Variants in CSMD3 observed in about 807,000 individuals in gnomAD.
The protein encoded by CSMD3 is CUB and sushi domain-containing protein 3.
In CSMD3, 177 loss-of-function variants were observed where a neutral mutation model predicts 435.2. That is an observed-to-expected ratio of 0.41 (90% CI 0.36 to 0.46). The LOEUF is 0.46. CSMD3 is among the 20% of genes least tolerant of loss of function. CSMD3 has a pLI of 0.34. For synonymous variants in CSMD3, 1,656 were observed against 1,520.5 expected (o/e 1.09, Z -2.07); for missense variants, 4,265 against 4,504.6 (o/e 0.95, Z 1.52).
chr8:113,149,911 C>T (rs556095375), intron 4 of CSMD3, among the ~76,000 whole-genome samples: 1 of 151,918 alleles, frequency 6.6e-6, no homozygotes, highest in East Asian at 1.9e-4. Context: ...TAAAACACTG[C>T]TACTTTCCTA....
At position 112,373,020 on chromosome 8, in the gene CSMD3, A is replaced by AT. The variant is rs1445750683; in HGVS notation, c.6136+7331dup. Among the ~76,000 whole-genome samples, 9 of 108,390 alleles carry AT rather than the reference A, an allele frequency of 8.3e-5. No individual in the cohort carries two copies. In the East Asian group the frequency reaches 1.1e-3, roughly 13 times the overall value. The allele number at this position is 108,390 out of a possible 152,430, so 71.1% of individuals were successfully genotyped here. On this transcript the variant is annotated intron_variant, in intron 38 of 70. Transcript: ENST00000297405. The stretch of plus-strand genomic sequence containing the variant: ...TATATATAAAAATATATATATATAT[A>AT]TATTTTTTTTCTCATGAGTAGAAAA...
chr8:113,402,306 T>A (rs11993804), intron 1 of CSMD3, among the ~76,000 whole-genome samples: 2,770 of 151,540 alleles, frequency 0.018, 99 homozygotes, highest in African/African-American at 0.061. Context: ...TAATTTGAGT[T>A]TGACTGTCTT....
chr8:113,299,045 T>C (rs940181902), intron 2 of CSMD3, among the ~76,000 whole-genome samples: 2 of 152,194 alleles, frequency 1.3e-5, no homozygotes, highest in African/African-American at 2.4e-5. Context: ...AGAACTCACA[T>C]GTCCCTCTGG....
chr8:112,868,099 T>G (rs2081035374), intron 10 of CSMD3, among the ~76,000 whole-genome samples: 1 of 152,114 alleles, frequency 6.6e-6, no homozygotes, highest in African/African-American at 2.4e-5. Context: ...TATTTAAAAC[T>G]AAGACACAAA....
chr8:112,387,465 A>ATGTGTG (rs34034900), intron 36 of CSMD3, among the ~76,000 whole-genome samples: 13,836 of 144,076 alleles, frequency 0.096, 692 homozygotes, highest in Middle Eastern at 0.16. Context: ...GTCATATATT[A>ATGTGTG]TGTGTGTGTG....
intron 18 of CSMD3, among the ~76,000 whole-genome samples, chr8:112,654,973 G>A (rs2075220891): frequency 6.6e-6 from 1 of 152,140 alleles, no homozygotes; most frequent in Non-Finnish European, 1.5e-5. Context: ...AGGCACTTTA[G>A]TTCATTTGAA....
At chr8:112,275,873 C>A (rs565583892) in intron 59 of CSMD3, among the ~76,000 whole-genome samples, 1 of 152,210 alleles carries the variant, frequency 6.6e-6, no homozygotes, top group South Asian at 2.1e-4. Flanking sequence ...TTATTCCAAG[C>A]GTGGCCCCTC....
chr8:112,435,718 T>C (rs1814256621), intron 32 of CSMD3, among the ~76,000 whole-genome samples: 1 of 152,024 alleles, frequency 6.6e-6, no homozygotes, highest in Non-Finnish European at 1.5e-5. Context: ...TTTTTTAACT[T>C]GTATACTTTC....
At chr8:112,645,077 T>C in intron 20 of CSMD3, 32 bp downstream of exon 20, 1 of 1,042,634 alleles carries the variant, frequency 9.6e-7, no homozygotes. Context: ...ATTCAGAAGA[T>C]AGTCCAATTA....
rs1345667303 is a variant in CSMD3 at position 113,436,896 on chromosome 8, A to G, written c.-42T>C. ...TAATTCCTGCTCCTCAGCCCGGCGC[A>G]GTGGAGTTGTTGCTGTTGTTGGTGC... On this transcript the variant is annotated 5_prime_UTR_variant, in exon 1 of 71. Transcript: ENST00000297405. 2 of 1,609,800 alleles carry G rather than the reference A, an allele frequency of 1.2e-6. No homozygotes were observed. The highest frequency in any genetic ancestry group is 1.3e-5 in the African/African-American group (1 of 74,916).
intron 1 of CSMD3, among the ~76,000 whole-genome samples, chr8:113,362,733 T>A (rs978238038): frequency 1.3e-5 from 2 of 152,200 alleles, no homozygotes; most frequent in Admixed American, 1.3e-4. Context: ...CCACTCAATA[T>A]CACACTTTAG....
At chr8:113,377,016 A>AGTGGG (rs1169782032) in intron 1 of CSMD3, 18 of 322,662 alleles carry the variant, frequency 5.6e-5, no homozygotes, top group Non-Finnish European at 6.4e-5. Flanking sequence ...TCTTCTAGGG[A>AGTGGG]GTGGGGTGGG....
At chr8:112,954,596 A>C in intron 8 of CSMD3, 88 bp downstream of exon 8, 2 of 777,334 alleles carry the variant, frequency 2.6e-6, no homozygotes, top group South Asian at 2.9e-5. Context: ...AAATACACAA[A>C]TATTTTGGTA....
intron 2 of CSMD3, among the ~76,000 whole-genome samples, chr8:113,303,921 TTAAAC>T (rs1334179084): frequency 7.3e-6 from 1 of 137,868 alleles, no homozygotes; most frequent in East Asian, 3.0e-4. Context: ...TGGGATCTAA[TTAAAC>T]TAAAGAGCTT....
chr8:113,173,813 A>G lies in CSMD3; in HGVS notation c.618T>C (p.Thr206=), dbSNP rs757180694. ...GAGGGTGGCCATCAAGGATGTATCC[A>G]GTTACACAGCTGTAGCGGATCTTGT... ...VGDKIRYSCV[T]GYILDGHPQL... The change falls in exon 4 of 71, where the codon ACT becomes ACC. Residue 206 remains threonine (T), a synonymous_variant. Coordinates refer to ENST00000297405, the MANE Select transcript of CSMD3 (RefSeq NM_198123.2). 3 of 1,613,632 alleles carry G rather than the reference A, an allele frequency of 1.9e-6. No homozygotes were observed. The highest frequency in any genetic ancestry group is 2.5e-6 in the Non-Finnish European group (3 of 1,179,674).
intron 3 of CSMD3, among the ~76,000 whole-genome samples, chr8:113,180,404 T>G (rs2092406773): frequency 6.6e-6 from 1 of 152,058 alleles, no homozygotes; most frequent in Non-Finnish European, 1.5e-5. Context: ...TTTATGAGTG[T>G]TTTGAATCAC....
chr8:112,554,244 A>G (rs1827928067), intron 25 of CSMD3, among the ~76,000 whole-genome samples: 1 of 151,908 alleles, frequency 6.6e-6, no homozygotes, highest in South Asian at 2.1e-4. Flanking sequence ...GAGATATCCT[A>G]TTGGTGCTGT....
At chr8:112,302,797 A>G (rs1237750248) in intron 52 of CSMD3, among the ~76,000 whole-genome samples, 1 of 151,760 alleles carries the variant, frequency 6.6e-6, no homozygotes, top group Non-Finnish European at 1.5e-5. Context: ...TGTACTGATG[A>G]TTTTGAGCTC....
chr8:113,181,957 G>A (rs1358747695), intron 3 of CSMD3, among the ~76,000 whole-genome samples: 1 of 152,140 alleles, frequency 6.6e-6, no homozygotes, highest in Non-Finnish European at 1.5e-5. Flanking sequence ...GTGTTAAGCC[G>A]ATCATGGATA....
Sources: allele counts gnomAD v4.1 joint callset (sites outside exome capture counted in the v4.1 genomes callset), GRCh38; gene constraint gnomAD v4.1.1; transcripts MANE v1.5; gene names NCBI Gene and HGNC (gene_info 2026-07-23, HGNC 2026-07-21).